Variants in TNNI1 observed in about 807,000 individuals in gnomAD.
TNNI1 encodes the protein troponin I, slow skeletal muscle.
A neutral mutation model predicts 26.7 loss-of-function variants in TNNI1; 14 were observed. That is an observed-to-expected ratio of 0.52 (90% CI 0.35 to 0.82). The LOEUF is 0.82. TNNI1 is among the 40% of genes least tolerant of loss of function. The pLI, the probability that TNNI1 is intolerant of heterozygous loss-of-function variation, is 0.01. For missense variants in TNNI1, 164 were observed against 257.0 expected (o/e 0.64, Z 2.47); for synonymous variants, 79 against 98.2 (o/e 0.80, Z 1.16).
rs1051829563 is a variant in TNNI1, at chr1:201,404,156, C to T, written c.*5097G>A. On this transcript the variant is annotated 3_prime_UTR_variant, in exon 9 of 9. Coordinates refer to ENST00000361379, the MANE Select transcript of TNNI1 (RefSeq NM_003281.4). ...GGGCAAGGGGTCATCTCTCTCGTCC[C>T]CTCCCTCGAGGTTCTGAGGAGCCTC... is the stretch of plus-strand genomic sequence containing the variant. 2 of 152,140 alleles carry T rather than the reference C, an allele frequency of 1.3e-5. No individual in the cohort carries two copies. The highest frequency in any genetic ancestry group is 4.8e-5 in the African/African-American group (2 of 41,418). The allele number at this position is 152,140 out of a possible 1,614,324, so 9.4% of individuals were successfully genotyped here. A position where few individuals can be genotyped will look rare whatever the true frequency, so the allele number is the denominator to read the frequency against.
chr1:201,417,747 C>T (rs1662776133), intron 2 of TNNI1, 36 bp downstream of exon 2: 2 of 1,313,770 alleles, frequency 1.5e-6, no homozygotes, highest in Non-Finnish European at 2.0e-6. Context: ...AGGGACTTGC[C>T]TTCCTGGGGC....
intron 5 of TNNI1, 152 bp from the exon 6 acceptor site, chr1:201,413,273 A>G (rs1028562186): frequency 3.9e-6 from 3 of 766,492 alleles, no homozygotes; most frequent in Non-Finnish European, 6.7e-6. Flanking sequence ...ATGACGGGCA[A>G]TAGCTCAAAG....
At chr1:201,415,105 G>A in intron 4 of TNNI1, 108 bp downstream of exon 4, 1 of 1,027,548 alleles carries the variant, frequency 9.7e-7, no homozygotes, top group Non-Finnish European at 1.5e-6. Context: ...CCTCACTCTG[G>A]CCTCCTTCCT....
At chr1:201,418,645 G>A (rs1163513606) in intron 1 of TNNI1, among the ~76,000 whole-genome samples, 4 of 152,100 alleles carry the variant, frequency 2.6e-5, no homozygotes, top group African/African-American at 9.7e-5. Flanking sequence ...CTGCCACATG[G>A]CACAACTCCA....
At position 201,405,559 on chromosome 1, in the gene TNNI1, A is replaced by C. The variant is rs1662498486; in HGVS notation, c.*3694T>G. On this transcript the variant is annotated 3_prime_UTR_variant, in exon 9 of 9. Transcript: ENST00000361379. ...CTGCCCAGCCCAGAGACTTGTGGGG[A>C]GTATGACTCACTTCGCGGGGGGCCA... is the stretch of plus-strand genomic sequence containing the variant. The C allele has an allele frequency of 6.5e-6, 1 of 152,674 alleles. No homozygotes were observed. The highest frequency in any genetic ancestry group is 2.4e-5 in the African/African-American group (1 of 41,420). 9.5% of individuals were successfully genotyped at this position (152,674 alleles called of 1,614,324 possible).
rs749493688 is a variant in TNNI1 at position 201,403,898 on chromosome 1, G to T, written c.*5355C>A. The T allele has an allele frequency of 2.0e-5, 3 of 152,204 alleles. No homozygotes were observed. Among genetic ancestry groups the T allele is most frequent in the African/African-American group, 4.8e-5 (2 of 41,448 alleles). The allele number at this position is 152,204 out of a possible 1,614,324, so 9.4% of individuals were successfully genotyped here. On this transcript the variant is annotated 3_prime_UTR_variant, in exon 9 of 9. Coordinates refer to ENST00000361379, the MANE Select transcript of TNNI1 (RefSeq NM_003281.4). ...TGTATTTACCTTTGTGGAGAGGAAG[G>T]GGTTGTGATTGGGGAGGGACGCATA...
At chr1:201,413,238 G>A in intron 5 of TNNI1, 117 bp from the exon 6 acceptor site, 1 of 1,068,480 alleles carries the variant, frequency 9.4e-7, no homozygotes, top group Non-Finnish European at 1.4e-6. Flanking sequence ...GAGAGGAGCT[G>A]ACAGTCTCCT....
Position 201,415,197 on chromosome 1 carries a change from C to T in TNNI1, c.57+16G>A, listed in dbSNP as rs753321615. ...CTCCCACTGGGCATCCCCCCACAGC[C>T]AGCCCCCAGCCTCACCTTCAGCAAG... On this transcript the variant is annotated intron_variant, in intron 4 of 8. Coordinates refer to ENST00000361379, the MANE Select transcript of TNNI1 (RefSeq NM_003281.4). 1 of 1,612,290 alleles carries T rather than the reference C, an allele frequency of 6.2e-7. No individual in the cohort carries two copies.
chr1:201,417,380 G>A (rs1662761876), intron 2 of TNNI1, among the ~76,000 whole-genome samples: 1 of 152,180 alleles, frequency 6.6e-6, no homozygotes, highest in African/African-American at 2.4e-5. Context: ...GTAAGTTGGG[G>A]ACAAGTGGTG....
chr1:201,408,766 A>T lies in TNNI1; in HGVS notation c.*487T>A, dbSNP rs4915522. ...CCTCCCTTCAGATCCCGAGCTCCGG[A>T]CTGCAGACAGGGTGACTGGAGCCCA... On this transcript the variant is annotated 3_prime_UTR_variant, in exon 9 of 9. Transcript: ENST00000361379. The T allele has an allele frequency of 0.58, 87,200 of 151,460 alleles. 25,349 individuals carry two copies. The highest frequency in any genetic ancestry group is 0.66 in the East Asian group (3,388 of 5,106). The allele number at this position is 151,460 out of a possible 1,614,324, so 9.4% of individuals were successfully genotyped here.
rs939234875 is a variant in TNNI1 at position 201,418,483 on chromosome 1, A to T, written c.-19-671T>A. On this transcript the variant is annotated intron_variant, in intron 1 of 8. Coordinates refer to ENST00000361379, the MANE Select transcript of TNNI1 (RefSeq NM_003281.4). ...TCTCCTTCTCAAAAAAAAAAAAAAA[A>T]AAATAAGTGAGAGTGTAGCTCACTC... is the stretch of plus-strand genomic sequence containing the variant. 1.5e-3 allele frequency among the ~76,000 whole-genome samples: 226 copies of T among 152,168 alleles called. 1 individual carries two copies. The highest frequency in any genetic ancestry group is 4.7e-3 in the African/African-American group (197 of 41,504).
chr1:201,418,342 C>A (rs1166538864), intron 1 of TNNI1, among the ~76,000 whole-genome samples: 3 of 151,834 alleles, frequency 2.0e-5, no homozygotes, highest in Non-Finnish European at 2.9e-5. Flanking sequence ...GTGGTGCACG[C>A]CTATAGTCCC....
At position 201,406,081 on chromosome 1, in the gene TNNI1, C is replaced by A. The variant is rs1324755821; in HGVS notation, c.*3172G>T. 1 of 152,334 alleles carries A rather than the reference C, an allele frequency of 6.6e-6. No individual in the cohort carries two copies. Among genetic ancestry groups the A allele is most frequent in the African/African-American group, 2.4e-5 (1 of 41,438 alleles). The allele number at this position is 152,334 out of a possible 1,614,324, so 9.4% of individuals were successfully genotyped here. The stretch of plus-strand genomic sequence containing the variant: ...CAGGTGCATATGCAGGACCCTCGAC[C>A]CCCAGCTGTGTCCTTCCAAGAAAGT... On this transcript the variant is annotated 3_prime_UTR_variant, in exon 9 of 9. Coordinates refer to ENST00000361379, the MANE Select transcript of TNNI1 (RefSeq NM_003281.4).
chr1:201,420,759 C>T (rs753775560), intron 1 of TNNI1, among the ~76,000 whole-genome samples: 1 of 152,026 alleles, frequency 6.6e-6, no homozygotes, highest in Non-Finnish European at 1.5e-5. Context: ...GTTAACACTC[C>T]CAAGTGCATG....
Position 201,410,372 on chromosome 1 carries a change from G to A in TNNI1, c.520C>T (p.Arg174Trp). Residue 174 changes from arginine to tryptophan, a missense_variant, in exon 8 of 9, where the codon CGG becomes TGG. Physicochemically the swap from Arg to Trp is moderately radical, Grantham distance 101. This residue lies in a region of TNNI1 where 43 missense variants were observed against 74.3 expected (regional missense o/e 0.58). Coordinates refer to ENST00000361379, the MANE Select transcript of TNNI1 (RefSeq NM_003281.4). The part of the protein sequence containing the change: ...NVEAMSGMEG[R>W]KKMFDAAKSP... ...TTGGCGGCATCAAACATCTTCTTCCGGCCTTCCATGCCAGACATGGCCTCC... is the reference window on the plus strand; with the variant it reads ...TTGGCGGCATCAAACATCTTCTTCCAGCCTTCCATGCCAGACATGGCCTCC... 3 of 1,614,104 alleles carry A rather than the reference G, an allele frequency of 1.9e-6. No homozygotes were observed. The highest frequency in any genetic ancestry group is 2.5e-6 in the Non-Finnish European group (3 of 1,180,024).
In TNNI1 at chr1:201,404,722, G is replaced by A. The variant is rs115467535; in HGVS notation, c.*4531C>T. 0.012 allele frequency: 1,864 copies of A among 152,344 alleles called. 15 individuals are homozygous for A. Among genetic ancestry groups the A allele is most frequent in the Non-Finnish European group, 0.019 (1,312 of 68,030 alleles). The allele number at this position is 152,344 out of a possible 1,614,324, so 9.4% of individuals were successfully genotyped here. The stretch of plus-strand genomic sequence containing the variant: ...TTCCTCCTTGTGGGGTGGAGCAGTT[G>A]AAATTTAGGTCACAAAGAGCCAGTC... On this transcript the variant is annotated 3_prime_UTR_variant, in exon 9 of 9. Transcript: ENST00000361379.
intron 1 of TNNI1, among the ~76,000 whole-genome samples, chr1:201,418,467 C>CAA (rs4019987): frequency 1.3e-4 from 13 of 102,028 alleles, no homozygotes; most frequent in East Asian, 7.7e-4. Flanking sequence ...GTCTCCTTCT[C>CAA]AAAAAAAAAA....
chr1:201,419,280 G>A (rs1558284103), intron 1 of TNNI1, among the ~76,000 whole-genome samples: 2 of 152,220 alleles, frequency 1.3e-5, no homozygotes, highest in African/African-American at 4.8e-5. Flanking sequence ...GAGGGGGTCC[G>A]TGAGGCTGCA....
At chr1:201,416,252 A>G (rs1473140892) in intron 3 of TNNI1, among the ~76,000 whole-genome samples, 1 of 152,232 alleles carries the variant, frequency 6.6e-6, no homozygotes, top group Non-Finnish European at 1.5e-5. Flanking sequence ...ATTTCAAAAG[A>G]AAGAGCCTAT....
Sources: allele counts gnomAD v4.1 joint callset (sites outside exome capture counted in the v4.1 genomes callset), GRCh38; gene constraint gnomAD v4.1.1; regional missense constraint gnomAD v4.1.1; transcripts MANE v1.5; gene names NCBI Gene and HGNC (gene_info 2026-07-23, HGNC 2026-07-21).